The following YTHDC2 variants were observed in gnomAD, a reference collection of about 807,000 sequenced individuals.
The protein encoded by YTHDC2 is 3'-5' RNA helicase YTHDC2.
A neutral mutation model predicts 174.9 loss-of-function variants in YTHDC2; 45 were observed. The observed-to-expected ratio is 0.26, with a 90% CI of 0.20 to 0.33. The LOEUF is 0.33. Among genes scored for constraint, YTHDC2 ranks in the 10% least tolerant of loss-of-function variants. YTHDC2 has a pLI of 1.00. For missense variants in YTHDC2, 1,650 were observed against 1,723.7 expected, an observed-to-expected ratio of 0.96 and a Z score of 0.76; for synonymous variants, 657 against 574.5, an observed-to-expected ratio of 1.14 and a Z score of -2.05.
chr5:113,538,868 A>C (rs1292195795), intron 7 of YTHDC2, among the ~76,000 whole-genome samples: 1 of 152,190 alleles, frequency 6.6e-6, no homozygotes, highest in African/African-American at 2.4e-5. Context: ...TAAACACTAG[A>C]GGAAAAAACC....
At chr5:113,574,537 A>T (rs908050927) in intron 23 of YTHDC2, among the ~76,000 whole-genome samples, 1 of 152,154 alleles carries the variant, frequency 6.6e-6, no homozygotes, top group Non-Finnish European at 1.5e-5. Flanking sequence ...CTGCCTGTAT[A>T]GCCATCAGGC....
intron 13 of YTHDC2, 71 bp from the exon 14 acceptor site, chr5:113,553,514 TACAGA>T: frequency 6.6e-7 from 1 of 1,516,756 alleles, no homozygotes; most frequent in Non-Finnish European, 9.1e-7. Flanking sequence ...AAACATGTGA[TACAGA>T]TTTTTATAAT....
intron 2 of YTHDC2, among the ~76,000 whole-genome samples, chr5:113,524,756 T>G (rs1774100333): frequency 6.6e-6 from 1 of 152,192 alleles, no homozygotes; most frequent in South Asian, 2.1e-4. Flanking sequence ...TTTAGTGGAC[T>G]TAAAATTGGA....
chr5:113,548,137 T>C (rs1167459683), intron 10 of YTHDC2, among the ~76,000 whole-genome samples: 1 of 152,204 alleles, frequency 6.6e-6, no homozygotes, highest in East Asian at 1.9e-4. Flanking sequence ...TATTCATTAC[T>C]AGTTACTGAT....
rs113734823 is a variant in YTHDC2, at chr5:113,542,460, C to T, written c.1452C>T (p.Ala484=). Residue 484 remains alanine (A), a synonymous_variant, in exon 10 of 30, where the codon GCC becomes GCT. Transcript: ENST00000161863. ...SDIWLHKDID[A]FAQVFHLILT... ...TATGGCTACATAAAGATATTGATGC[C>T]TTTGCTCAGGTCTTTCATCTCATTT... 3.6e-4 allele frequency: 576 copies of T among 1,611,270 alleles called. 5 individuals carry two copies. The African/African-American group carries it at 6.4e-3, about 18-fold the overall frequency.
At chr5:113,533,600 T>A (rs541169955) in intron 5 of YTHDC2, among the ~76,000 whole-genome samples, 1 of 152,150 alleles carries the variant, frequency 6.6e-6, no homozygotes, top group Non-Finnish European at 1.5e-5. Flanking sequence ...TTATTTTACC[T>A]CTTTGAGCCT....
At chr5:113,587,486 T>G (rs1219990288) in intron 26 of YTHDC2, among the ~76,000 whole-genome samples, 1 of 127,840 alleles carries the variant, frequency 7.8e-6, no homozygotes, top group Non-Finnish European at 1.6e-5. Flanking sequence ...ATATTATGTA[T>G]TCATATAATA....
intron 2 of YTHDC2, among the ~76,000 whole-genome samples, chr5:113,522,999 A>G (rs148766279): frequency 2.3e-3 from 345 of 152,192 alleles, no homozygotes; most frequent in African/African-American, 7.7e-3. Flanking sequence ...CCTAAATGCT[A>G]TATTAGGTAA....
intron 7 of YTHDC2, among the ~76,000 whole-genome samples, chr5:113,538,096 T>TTTTC (rs1317714223): frequency 6.6e-6 from 1 of 152,212 alleles, no homozygotes; most frequent in African/African-American, 2.4e-5. Flanking sequence ...ACTTTATTTT[T>TTTTC]TTTCCATATC....
rs1580563763 is a variant in YTHDC2, at chr5:113,553,326, C to G, written c.1834C>G (p.Leu612Val). The G allele has an allele frequency of 2.5e-6, 4 of 1,608,030 alleles. No individual in the cohort carries two copies. In the East Asian group the frequency reaches 8.9e-5, roughly 36 times the overall value. ...AGTAGACTTGGATTTGATCATGCAT[C>G]TTCTATACAATATCTGCCATAGTTG... Reference protein sequence around the residue: ...EKVDLDLIMHLLYNICHSCDA... With the variant: ...EKVDLDLIMHVLYNICHSCDA... The change falls in exon 13 of 30, where the codon CTT becomes GTT. Residue 612 changes from leucine (L) to valine (V), a missense_variant. Coordinates refer to ENST00000161863, the MANE Select transcript of YTHDC2 (RefSeq NM_022828.5).
intron 20 of YTHDC2, among the ~76,000 whole-genome samples, chr5:113,564,838 C>A (rs1777227066): frequency 6.6e-6 from 1 of 152,036 alleles, no homozygotes; most frequent in African/African-American, 2.4e-5. Flanking sequence ...TTTTTTGAGA[C>A]AGTCTTGCTC....
intron 23 of YTHDC2, among the ~76,000 whole-genome samples, chr5:113,576,549 A>G (rs1455509350): frequency 6.6e-6 from 1 of 152,102 alleles, no homozygotes; most frequent in Non-Finnish European, 1.5e-5. Flanking sequence ...CCATATTAGC[A>G]CCGTTAAGAG....
At chr5:113,527,031 G>T (rs1774308261) in intron 4 of YTHDC2, among the ~76,000 whole-genome samples, 1 of 151,920 alleles carries the variant, frequency 6.6e-6, no homozygotes, top group Non-Finnish European at 1.5e-5. Flanking sequence ...AGTGCATTAG[G>T]CCTTTATTTA....
chr5:113,553,157 C>CTT lies in YTHDC2; in HGVS notation c.1689-5_1689-4dup, dbSNP rs34053583. 8,896 of 1,094,174 alleles carry CTT rather than the reference C, an allele frequency of 8.1e-3. 92 individuals are homozygous for CTT. The highest frequency in any genetic ancestry group is 0.013 in the African/African-American group (666 of 49,848). The allele number at this position is 1,094,174 out of a possible 1,614,324, so 67.8% of individuals were successfully genotyped here. A position where few individuals can be genotyped will look rare whatever the true frequency, so the allele number is the denominator to read the frequency against. ...TTTTGTTAATGGAAATTGACTTTGT[C>CTT]TTTTTTTTTTTTTTTTTTTTCAGTG... On this transcript the variant is annotated intron_variant, in intron 12 of 29. Coordinates refer to ENST00000161863, the MANE Select transcript of YTHDC2 (RefSeq NM_022828.5).
intron 27 of YTHDC2, 55 bp from the exon 28 acceptor site, chr5:113,591,941 T>G (rs1779024601): frequency 3.9e-6 from 5 of 1,286,592 alleles, no homozygotes; most frequent in African/African-American, 1.5e-5. Flanking sequence ...TAAATTAAAT[T>G]TAGACATGCT....
intron 10 of YTHDC2, among the ~76,000 whole-genome samples, chr5:113,547,405 C>T (rs902613166): frequency 2.0e-5 from 3 of 152,054 alleles, no homozygotes; most frequent in African/African-American, 7.2e-5. Context: ...AAAACAAACC[C>T]CAAAGCAAAA....
At chr5:113,585,609 T>C (rs896858752) in intron 26 of YTHDC2, among the ~76,000 whole-genome samples, 1 of 152,006 alleles carries the variant, frequency 6.6e-6, no homozygotes, top group African/African-American at 2.4e-5. Context: ...CCCTACTCCC[T>C]GGTAACCCAC....
At chr5:113,556,930 A>G (rs1379940906) in intron 17 of YTHDC2, among the ~76,000 whole-genome samples, 3 of 152,214 alleles carry the variant, frequency 2.0e-5, no homozygotes, top group Admixed American at 2.0e-4. Flanking sequence ...ATAGCCACAC[A>G]GTGGCTTTCT....
At chr5:113,581,838 A>T (rs1778421057) in intron 25 of YTHDC2, 129 bp downstream of exon 25, 13 of 797,766 alleles carry the variant, frequency 1.6e-5, no homozygotes, top group South Asian at 1.6e-4. Flanking sequence ...ATGAAAAGAT[A>T]GCAATAAAGT....
Sources: allele counts gnomAD v4.1 joint callset (sites outside exome capture counted in the v4.1 genomes callset), GRCh38; gene constraint gnomAD v4.1.1; transcripts MANE v1.5; gene names NCBI Gene and HGNC (gene_info 2026-07-23, HGNC 2026-07-21).